AKAP13: variants seen among roughly 807,000 people sequenced by gnomAD.
AKAP13 encodes the protein A-kinase anchoring protein 13, also known as A-kinase anchor protein 13.
A neutral mutation model predicts 264.5 loss-of-function variants in AKAP13; 80 were observed. The observed-to-expected ratio is 0.30, with a 90% CI of 0.25 to 0.36. The LOEUF (loss-of-function observed/expected upper bound fraction) is 0.36. Ranked by LOEUF, AKAP13 falls within the 10% of genes least tolerant of loss-of-function variation. The pLI is 1.00. For missense variants in AKAP13, 3,712 were observed against 3,435.2 expected, an observed-to-expected ratio of 1.08 and a Z score of -2.01; for synonymous variants, 1,380 against 1,250.2, an observed-to-expected ratio of 1.10 and a Z score of -2.19.
chr15:85,485,643 T>C (rs1031319248), intron 1 of AKAP13, 67 bp from the exon 2 acceptor site: 28 of 1,428,994 alleles, frequency 2.0e-5, no homozygotes, highest in East Asian at 1.4e-4. Flanking sequence ...CCTAGGACTT[T>C]AGGTGGCTTA....
rs1486358099 is a variant in AKAP13 at position 85,655,408 on chromosome 15, C to G, written c.4375-9C>G. ...GGCTTCAACCATATGTGCTTTCTCTCCATTACAGCCAGAGGAAGAGCATTT... is the reference window on the plus strand; with the variant it reads ...GGCTTCAACCATATGTGCTTTCTCTGCATTACAGCCAGAGGAAGAGCATTT... On this transcript the variant is annotated splice_polypyrimidine_tract_variant and intron_variant, in intron 10 of 36. Coordinates refer to ENST00000394518, the MANE Select transcript of AKAP13 (RefSeq NM_007200.5). The G allele has an allele frequency of 2.5e-6, 4 of 1,610,034 alleles. No individual in the cohort carries two copies. The South Asian group carries it at 3.3e-5, about 13-fold the overall frequency.
intron 8 of AKAP13, among the ~76,000 whole-genome samples, chr15:85,594,410 G>T (rs1280180282): frequency 6.6e-6 from 1 of 152,210 alleles, no homozygotes. Flanking sequence ...ATAGGTGCTT[G>T]TGAAAAGATA....
At chr15:85,488,332 A>T (rs1596320661) in intron 2 of AKAP13, among the ~76,000 whole-genome samples, 1 of 152,220 alleles carries the variant, frequency 6.6e-6, no homozygotes, top group Admixed American at 6.5e-5. Context: ...TTGTTTTGAA[A>T]GTATTTTGAG....
intron 8 of AKAP13, among the ~76,000 whole-genome samples, chr15:85,606,579 G>A (rs945622555): frequency 6.6e-6 from 1 of 152,230 alleles, no homozygotes; most frequent in Non-Finnish European, 1.5e-5. Flanking sequence ...ATTGATGGAT[G>A]AGTGCTAACA....
At position 85,744,513 on chromosome 15, in the gene AKAP13, G is replaced by C. The variant is rs113474572; in HGVS notation, c.8393-115G>C. The C allele has an allele frequency of 2.8e-3, 3,114 of 1,093,436 alleles. 57 individuals carry two copies. The African/African-American group carries it at 0.043, about 15-fold the overall frequency. 67.7% of individuals were successfully genotyped at this position (1,093,436 alleles called of 1,614,324 possible). A position where few individuals can be genotyped will look rare whatever the true frequency, so the allele number is the denominator to read the frequency against. ...ACCCCGGTGCGCAGAAGAGTTAATT[G>C]CCCATAAGCCCCAGTCGCCTGTTTG... On this transcript the variant is annotated intron_variant, in intron 36 of 36. Transcript: ENST00000394518.
At chr15:85,656,273 T>G (rs1208992160) in intron 11 of AKAP13, among the ~76,000 whole-genome samples, 1 of 152,166 alleles carries the variant, frequency 6.6e-6, no homozygotes, top group Non-Finnish European at 1.5e-5. Flanking sequence ...TTTGATAAAG[T>G]CTAAATTATC....
intron 15 of AKAP13, among the ~76,000 whole-genome samples, chr15:85,683,283 G>A (rs72748144): frequency 0.012 from 1,763 of 152,276 alleles, 18 homozygotes; most frequent in Non-Finnish European, 0.018. Context: ...TAAACTGACT[G>A]TTGACAGGAC....
chr15:85,480,707 G>A (rs191577359), intron 1 of AKAP13, among the ~76,000 whole-genome samples: 1 of 151,834 alleles, frequency 6.6e-6, no homozygotes, highest in East Asian at 1.9e-4. Context: ...TTTTTTTTGA[G>A]ACAGAGTTTC....
In AKAP13 at chr15:85,501,678, G is replaced by A. The variant is rs562834405; in HGVS notation, c.33+15925G>A. Among the ~76,000 whole-genome samples the A allele has an allele frequency of 2.8e-4, 43 of 152,166 alleles. 1 individual carries two copies. In the South Asian group the frequency reaches 7.7e-3, roughly 27 times the overall value. ...AACTATTTTTTTTCTACATTTTAAAGCAGAGGAAAGTATCAGAGAACTTTT... is the reference window on the plus strand; with the variant it reads ...AACTATTTTTTTTCTACATTTTAAAACAGAGGAAAGTATCAGAGAACTTTT... On this transcript the variant is annotated intron_variant, in intron 2 of 36. Coordinates refer to ENST00000394518, the MANE Select transcript of AKAP13 (RefSeq NM_007200.5).
intron 30 of AKAP13, among the ~76,000 whole-genome samples, chr15:85,732,812 T>C (rs139753625): frequency 3.0e-4 from 45 of 150,920 alleles, no homozygotes; most frequent in African/African-American, 1.0e-3. Context: ...TATTAACTAA[T>C]ACTAATTTAC....
intron 8 of AKAP13, among the ~76,000 whole-genome samples, chr15:85,591,172 T>C (rs1447244026): frequency 2.0e-5 from 3 of 152,228 alleles, no homozygotes; most frequent in Non-Finnish European, 4.4e-5. Flanking sequence ...ACTTACCTTG[T>C]TTCACAGCTA....
At chr15:85,475,414 A>C (rs1163571332) in intron 1 of AKAP13, among the ~76,000 whole-genome samples, 1 of 152,176 alleles carries the variant, frequency 6.6e-6, no homozygotes, top group Non-Finnish European at 1.5e-5. Context: ...TTCTCCATAT[A>C]GATCTTTGCA....
intron 21 of AKAP13, 76 bp from the exon 22 acceptor site, chr15:85,717,931 C>T: frequency 7.0e-7 from 1 of 1,431,090 alleles, no homozygotes. Flanking sequence ...CAACTATCAT[C>T]TTGAGGAAAG....
intron 30 of AKAP13, 72 bp downstream of exon 30, chr15:85,730,779 GTTTTTACT>G (rs1484226333): frequency 1.5e-6 from 2 of 1,372,780 alleles, no homozygotes; most frequent in African/African-American, 1.5e-5. Context: ...TTACCTGCCA[GTTTTTACT>G]TTTTTACTTT....
rs1411967813 is a variant in AKAP13 at position 85,684,770 on chromosome 15, C to T, written c.5186C>T (p.Pro1729Leu). ...ACAGAAGAGAACTATAATTTCCTGCCACATAGCCCCTCCAAGAAAGATTCT... is the reference window on the plus strand; with the variant it reads ...ACAGAAGAGAACTATAATTTCCTGCTACATAGCCCCTCCAAGAAAGATTCT... ...SITEENYNFL[P>L]HSPSKKDSEW... The change falls in exon 16 of 37, where the codon CCA becomes CTA. Residue 1729 changes from proline (P) to leucine (L), a missense_variant. By Grantham distance (98) the Pro-to-Leu change is moderately conservative (BLOSUM62 -3). Around this residue, in one of 3 missense-constraint regions of AKAP13, gnomAD observed 2,759 missense variants for 2,411.7 expected, o/e 1.14. Transcript: ENST00000394518. The T allele has an allele frequency of 1.2e-6, 2 of 1,613,334 alleles. No homozygotes were observed. The highest frequency in any genetic ancestry group is 4.5e-5 in the East Asian group (2 of 44,864).
chr15:85,606,991 G>A (rs2080380031), intron 8 of AKAP13, among the ~76,000 whole-genome samples: 1 of 151,958 alleles, frequency 6.6e-6, no homozygotes, highest in Non-Finnish European at 1.5e-5. Context: ...CTTGGGGATT[G>A]GCCAGGAAAA....
Position 85,521,588 on chromosome 15 carries a change from A to ATGGGATCC in AKAP13, c.181+15_181+22dup. The ATGGGATCC allele has an allele frequency of 6.2e-7, 1 of 1,613,100 alleles. No individual in the cohort carries two copies. ...ACCATTGCTCCTGGTAAGTATTTGAATGGGATCCTTACTAGCTTTTCCTAG... is the reference window on the plus strand; with the variant it reads ...ACCATTGCTCCTGGTAAGTATTTGAATGGGATCCTGGGATCCTTACTAGCTTTTCCTAG... On this transcript the variant is annotated intron_variant, in intron 3 of 36. Transcript: ENST00000394518.
intron 8 of AKAP13, among the ~76,000 whole-genome samples, chr15:85,587,813 C>G (rs943308389): frequency 6.6e-6 from 1 of 151,904 alleles, no homozygotes; most frequent in Non-Finnish European, 1.5e-5. Context: ...CGCCCGGCTA[C>G]TTTTTTGTGT....
chr15:85,638,453 A>G (rs12593544), intron 8 of AKAP13, among the ~76,000 whole-genome samples: 19,469 of 152,120 alleles, frequency 0.13, 1,600 homozygotes, highest in East Asian at 0.21. Flanking sequence ...TTCTTATGCT[A>G]TTATTGGGTG....
Sources: allele counts gnomAD v4.1 joint callset (sites outside exome capture counted in the v4.1 genomes callset), GRCh38; gene constraint gnomAD v4.1.1; regional missense constraint gnomAD v4.1.1; transcripts MANE v1.5; gene names NCBI Gene and HGNC (gene_info 2026-07-23, HGNC 2026-07-21).